Variants in PDE4DIP observed in about 807,000 individuals in gnomAD.
PDE4DIP encodes myomegalin.
A neutral mutation model predicts 221.4 loss-of-function variants in PDE4DIP; 59 were observed. The observed-to-expected ratio is 0.27, with a 90% CI of 0.22 to 0.33. The LOEUF (loss-of-function observed/expected upper bound fraction) is 0.33. Among genes scored for constraint, PDE4DIP ranks in the 10% least tolerant of loss-of-function variants. The pLI is 1.00. For missense variants in PDE4DIP, 1,036 were observed against 2,154.2 expected (o/e 0.48, Z 10.28); for synonymous variants, 404 against 815.9 (o/e 0.50, Z 8.60).
chr1:148,975,867 C>G (rs1458625337), intron 17 of PDE4DIP, among the ~76,000 whole-genome samples: 1 of 152,016 alleles, frequency 6.6e-6, no homozygotes, highest in Non-Finnish European at 1.5e-5. Context: ...ATAGCTAGAT[C>G]TATAATATAA....
At chr1:149,020,853 T>A (rs1378989949) in intron 36 of PDE4DIP, 176 bp from the exon 40 acceptor site, 4 of 578,190 alleles carry the variant, frequency 6.9e-6, no homozygotes, top group Non-Finnish European at 1.2e-5. Flanking sequence ...CATTTCCATA[T>A]CTGCGAAATA....
chr1:148,918,449 A>G (rs2044622795), intron 1 of PDE4DIP, among the ~76,000 whole-genome samples: 1 of 101,952 alleles, frequency 9.8e-6, no homozygotes, highest in Admixed American at 1.0e-4. Context: ...GAAGACTGTG[A>G]TTCTGTCTGT....
At chr1:148,902,719 T>C (rs1422399647) in intron 1 of PDE4DIP, among the ~76,000 whole-genome samples, 482 of 19,350 alleles carry the variant, frequency 0.025, no homozygotes, top group Middle Eastern at 0.21. Context: ...TATTCTATCA[T>C]ATATATATAT....
intron 1 of PDE4DIP, among the ~76,000 whole-genome samples, chr1:148,899,133 G>A (rs1553445205): frequency 7.4e-5 from 9 of 121,280 alleles, no homozygotes; most frequent in Non-Finnish European, 1.6e-5. Flanking sequence ...CGCCTGGTGG[G>A]AAAAGGCATT....
intron 22 of PDE4DIP, chr1:148,992,784 T>A (rs61809683): frequency 1.2e-6 from 1 of 858,240 alleles, no homozygotes; most frequent in Non-Finnish European, 1.4e-6. Context: ...TTGGTAGATA[T>A]CCTGCACAAG....
intron 1 of PDE4DIP, among the ~76,000 whole-genome samples, chr1:148,918,658 C>CGCACACA (rs1573382408): frequency 1.5e-5 from 2 of 137,864 alleles, no homozygotes; most frequent in Non-Finnish European, 3.2e-5. Context: ...CACACACACA[C>CGCACACA]CCTAGCTGTG....
rs1553467685 is a variant in PDE4DIP at position 148,929,184 on chromosome 1, G to C, written c.142-13G>C. 1.2e-6 allele frequency: 2 copies of C among 1,613,306 alleles called. No homozygotes were observed. Among genetic ancestry groups the C allele is most frequent in the Non-Finnish European group, 1.7e-6 (2 of 1,179,624 alleles). On this transcript the variant is annotated splice_polypyrimidine_tract_variant and intron_variant, in intron 1 of 43. Coordinates refer to ENST00000369354, the Ensembl canonical transcript of PDE4DIP. ...TGGCAGTTAATAACGATTAATGCCT[G>C]TGTGTTTTTCAGAACATTGAGCTGA... is the stretch of plus-strand genomic sequence containing the variant.
intron 21 of PDE4DIP, chr1:148,983,290 A>T (rs1681187133): frequency 6.6e-6 from 1 of 152,118 alleles, no homozygotes; most frequent in African/African-American, 2.4e-5. Flanking sequence ...CCAACCAAGG[A>T]AGCCTTCTGA....
intron 32 of PDE4DIP, among the ~76,000 whole-genome samples, chr1:149,015,319 G>T (rs2070084162): frequency 6.6e-6 from 1 of 151,864 alleles, no homozygotes; most frequent in East Asian, 2.0e-4. Flanking sequence ...GCTACAAGTA[G>T]GGCTAAAAAC....
chr1:148,995,988 C>T (rs1231849111), intron 22 of PDE4DIP, among the ~76,000 whole-genome samples: 1 of 150,444 alleles, frequency 6.6e-6, no homozygotes, highest in African/African-American at 2.4e-5. Context: ...TATGAAAACC[C>T]AAATTAGCCT....
chr1:148,946,039 A>G (rs1304561288), intron 5 of PDE4DIP, among the ~76,000 whole-genome samples: 1 of 151,306 alleles, frequency 6.6e-6, no homozygotes, highest in Admixed American at 6.6e-5. Context: ...GTCTCTTTCC[A>G]TCTGTGTGAA....
At chr1:148,973,289 C>T (rs2152033458) in intron 16 of PDE4DIP, among the ~76,000 whole-genome samples, 1 of 152,146 alleles carries the variant, frequency 6.6e-6, no homozygotes, top group Admixed American at 6.5e-5. Flanking sequence ...GCCACCACAC[C>T]CAGCTAATTT....
At chr1:148,978,467 C>CTTT (rs373352718) in intron 19 of PDE4DIP, 52 bp downstream of exon 22, 40 of 964,118 alleles carry the variant, frequency 4.1e-5, no homozygotes, top group Middle Eastern at 3.6e-4. Flanking sequence ...TTTTTGTATT[C>CTTT]TTTTTTTTTT....
chr1:148,934,041 A>AT (rs1429198788), intron 4 of PDE4DIP, among the ~76,000 whole-genome samples: 2 of 147,756 alleles, frequency 1.4e-5, no homozygotes, highest in African/African-American at 5.0e-5. Flanking sequence ...CCCTGAAGCC[A>AT]TACTGCCTCC....
intron 22 of PDE4DIP, among the ~76,000 whole-genome samples, chr1:148,997,345 T>C: frequency 6.8e-6 from 1 of 147,978 alleles, no homozygotes; most frequent in Non-Finnish European, 1.5e-5. Flanking sequence ...AAAACATTGA[T>C]GAATAACTTC....
rs782492652 is a variant in PDE4DIP at position 148,979,879 on chromosome 1, C to G, written c.2687+30C>G. 8.1e-6 allele frequency: 13 copies of G among 1,602,122 alleles called. No individual in the cohort carries two copies. In the East Asian group the frequency reaches 2.7e-4, roughly 33 times the overall value. On this transcript the variant is annotated intron_variant, in intron 20 of 43. Coordinates refer to ENST00000369354, the Ensembl canonical transcript of PDE4DIP. Reference sequence around the variant, plus strand: ...GAGAGAGGCTGTTTTTTCTTTTATTCTTTATTGAAATTTTTATTTCTTTTA... The same window carrying G: ...GAGAGAGGCTGTTTTTTCTTTTATTGTTTATTGAAATTTTTATTTCTTTTA...
exon 44 of PDE4DIP, chr1:149,032,183 G>A (rs1244738706): frequency 1.6e-5 from 17 of 1,062,098 alleles, no homozygotes; most frequent in Non-Finnish European, 2.1e-5. Flanking sequence ...AAGGCAGAAA[G>A]CCTTTCTGAC....
chr1:149,010,161 AG>A (rs1324841466), intron 30 of PDE4DIP, among the ~76,000 whole-genome samples: 2 of 152,136 alleles, frequency 1.3e-5, no homozygotes, highest in African/African-American at 4.8e-5. Flanking sequence ...GTGTTCCCTA[AG>A]TATATTTGGG....
chr1:149,000,705 G>A (rs1553574451), intron 23 of PDE4DIP, among the ~76,000 whole-genome samples: 1 of 151,560 alleles, frequency 6.6e-6, no homozygotes, highest in African/African-American at 2.4e-5. Flanking sequence ...TAGTACAGCA[G>A]GGATTGAATG....
Sources: allele counts gnomAD v4.1 joint callset (sites outside exome capture counted in the v4.1 genomes callset), GRCh38; gene constraint gnomAD v4.1.1; transcripts MANE v1.5; gene names NCBI Gene and HGNC (gene_info 2026-07-23, HGNC 2026-07-21).